Variants in EYS observed in about 807,000 individuals in gnomAD.
EYS encodes protein eyes shut homolog.
Under a neutral mutation model 282.1 loss-of-function variants are expected in EYS, and 250 were observed. The ratio of observed to expected loss-of-function variants is 0.89; its 90% CI spans 0.80 to 0.98. The LOEUF is 0.98. Ranked by LOEUF, EYS falls within the 50% of genes least tolerant of loss-of-function variation. The probability of loss-of-function intolerance (pLI) is 0.00; values close to 1 mark genes in which losing one functional copy is unlikely to be tolerated. For missense variants in EYS, 4,016 were observed against 3,709.0 expected (o/e 1.08, Z -2.15); for synonymous variants, 1,355 against 1,282.9 (o/e 1.06, Z -1.20).
At chr6:64,155,158 C>T (rs902039135) in intron 31 of EYS, among the ~76,000 whole-genome samples, 2 of 152,050 alleles carry the variant, frequency 1.3e-5, no homozygotes, top group African/African-American at 2.4e-5. Context: ...ACAATTTTGC[C>T]TTGGGCTAGC....
intron 35 of EYS, among the ~76,000 whole-genome samples, chr6:63,976,900 C>T (rs1766862025): frequency 6.6e-6 from 1 of 151,764 alleles, no homozygotes; most frequent in South Asian, 2.1e-4. Context: ...AAAAATTATA[C>T]ATAAAAGTGA....
At chr6:65,499,522 C>T (rs571534676) in intron 2 of EYS, among the ~76,000 whole-genome samples, 1 of 151,878 alleles carries the variant, frequency 6.6e-6, no homozygotes, top group Non-Finnish European at 1.5e-5. Context: ...CAATAAGCAG[C>T]TTTTTATTTG....
chr6:65,417,033 T>A (rs1397364942), intron 5 of EYS, among the ~76,000 whole-genome samples: 1 of 152,004 alleles, frequency 6.6e-6, no homozygotes, highest in East Asian at 1.9e-4. Context: ...ATGAAAATAC[T>A]CAGTTATTCA....
intron 35 of EYS, among the ~76,000 whole-genome samples, chr6:63,983,526 T>C (rs1456238580): frequency 6.6e-6 from 1 of 151,810 alleles, no homozygotes. Flanking sequence ...TGATAAAATT[T>C]CTCTCTTTTC....
At chr6:63,809,963 C>A (rs1294988590) in intron 36 of EYS, among the ~76,000 whole-genome samples, 3 of 151,334 alleles carry the variant, frequency 2.0e-5, no homozygotes, top group Non-Finnish European at 4.4e-5. Context: ...TTGCTGTGGC[C>A]GGGCACGGTG....
intron 29 of EYS, among the ~76,000 whole-genome samples, chr6:64,316,296 T>G (rs536962373): frequency 6.6e-6 from 1 of 152,062 alleles, no homozygotes; most frequent in Admixed American, 6.6e-5. Flanking sequence ...TTGCAGATGA[T>G]GTGATTGAGT....
chr6:64,284,524 G>A (rs1768426334), intron 30 of EYS, among the ~76,000 whole-genome samples: 1 of 152,080 alleles, frequency 6.6e-6, no homozygotes, highest in South Asian at 2.1e-4. Flanking sequence ...GGGGTCTGGA[G>A]GATGACGGCC....
chr6:64,612,038 C>A (rs904077297), intron 24 of EYS, among the ~76,000 whole-genome samples: 14 of 151,886 alleles, frequency 9.2e-5, no homozygotes, highest in Non-Finnish European at 1.9e-4. Context: ...AAATAAAGAC[C>A]AGAAACATAG....
chr6:64,077,981 G>A (rs1269747972), intron 32 of EYS, among the ~76,000 whole-genome samples: 1 of 151,868 alleles, frequency 6.6e-6, no homozygotes, highest in Non-Finnish European at 1.5e-5. Flanking sequence ...TCCTTTCTAA[G>A]GATTTTTACC....
At chr6:65,667,771 C>G (rs1384275967) in intron 1 of EYS, among the ~76,000 whole-genome samples, 1 of 151,690 alleles carries the variant, frequency 6.6e-6, no homozygotes, top group Non-Finnish European at 1.5e-5. Context: ...AACAATATTT[C>G]CTAAATTACA....
intron 28 of EYS, among the ~76,000 whole-genome samples, chr6:64,435,042 C>G (rs73767808): frequency 0.038 from 5,848 of 152,044 alleles, 365 homozygotes; most frequent in African/African-American, 0.13. Context: ...ATTACCTCGA[C>G]TGAGATGGCA....
intron 28 of EYS, among the ~76,000 whole-genome samples, chr6:64,409,539 G>A (rs58774378): frequency 0.039 from 5,911 of 152,166 alleles, 364 homozygotes; most frequent in African/African-American, 0.13. Context: ...AGCAAAATGC[G>A]AAGCAATTCT....
chr6:64,886,416 T>C (rs923190573), intron 19 of EYS, among the ~76,000 whole-genome samples: 1 of 152,030 alleles, frequency 6.6e-6, no homozygotes, highest in Non-Finnish European at 1.5e-5. Context: ...AGAAATACTT[T>C]TTTGTATATT....
intron 19 of EYS, among the ~76,000 whole-genome samples, chr6:64,862,243 T>G (rs1244695206): frequency 6.6e-6 from 1 of 152,174 alleles, no homozygotes; most frequent in African/African-American, 2.4e-5. Flanking sequence ...TTTATCTATG[T>G]TTTTCTGTAA....
At chr6:65,518,351 A>G (rs1221921448) in intron 2 of EYS, among the ~76,000 whole-genome samples, 1 of 152,136 alleles carries the variant, frequency 6.6e-6, no homozygotes, top group African/African-American at 2.4e-5. Context: ...CTCTTCTCCA[A>G]AAAGGGCAGG....
chr6:65,079,337 T>A (rs1163747869), intron 12 of EYS, among the ~76,000 whole-genome samples: 1 of 152,046 alleles, frequency 6.6e-6, no homozygotes, highest in Non-Finnish European at 1.5e-5. Flanking sequence ...TAACTTTAAT[T>A]TAAATTTAAA....
At chr6:64,812,152 CAT>C (rs1764615888) in intron 22 of EYS, among the ~76,000 whole-genome samples, 1 of 151,626 alleles carries the variant, frequency 6.6e-6, no homozygotes. Flanking sequence ...GTATAAAAAA[CAT>C]GTTTACTATA....
At chr6:64,425,657 G>GAAAAAAAAA (rs34577912) in intron 28 of EYS, among the ~76,000 whole-genome samples, 1 of 67,848 alleles carries the variant, frequency 1.5e-5, no homozygotes, top group Non-Finnish European at 2.8e-5. Context: ...TCCATCCCAG[G>GAAAAAAAAA]AAAAAAAAAA....
intron 31 of EYS, among the ~76,000 whole-genome samples, chr6:64,226,843 C>T (rs1766266383): frequency 6.6e-6 from 1 of 151,992 alleles, no homozygotes; most frequent in Admixed American, 6.6e-5. Context: ...TGACCCATTC[C>T]TTAGTCTCAT....
Sources: allele counts gnomAD v4.1 joint callset (sites outside exome capture counted in the v4.1 genomes callset), GRCh38; gene constraint gnomAD v4.1.1; transcripts MANE v1.5; gene names NCBI Gene and HGNC (gene_info 2026-07-23, HGNC 2026-07-21).